Variants in C10orf67 observed in about 807,000 individuals in gnomAD.
C10orf67 encodes chromosome 10 open reading frame 67.
A neutral mutation model predicts 35.6 loss-of-function variants in C10orf67; 60 were observed. The ratio of observed to expected loss-of-function variants is 1.68; its 90% CI spans 1.37 to 2.09. The LOEUF is 2.09. Among genes scored for constraint, C10orf67 ranks in the 30% most tolerant of loss-of-function variants. C10orf67 has a pLI of 0.00. For synonymous variants in C10orf67, 167 were observed against 115.8 expected (o/e 1.44, Z -2.84); for missense variants, 474 against 330.2 (o/e 1.44, Z -3.38).
intron 8 of C10orf67, among the ~76,000 whole-genome samples, chr10:23,279,227 G>C (rs563715339): frequency 6.6e-6 from 1 of 152,336 alleles, no homozygotes; most frequent in Admixed American, 6.5e-5. Context: ...ATGGACAGCA[G>C]AACTTGCTCC....
At chr10:23,235,117 G>A (rs773163426) in intron 13 of C10orf67, among the ~76,000 whole-genome samples, 9 of 151,530 alleles carry the variant, frequency 5.9e-5, no homozygotes, top group Non-Finnish European at 1.2e-4. Flanking sequence ...TAGACAGTGC[G>A]ATATTGGCAA....
chr10:23,274,852 G>C (rs906281821), intron 8 of C10orf67, among the ~76,000 whole-genome samples: 2 of 152,020 alleles, frequency 1.3e-5, no homozygotes, highest in Non-Finnish European at 2.9e-5. Context: ...TCCATGAAAT[G>C]TTCACAATTT....
chr10:23,273,009 A>G lies in C10orf67; in HGVS notation c.976-5755T>C, dbSNP rs116556896. ...TGATTGCTCATTGCTTATATATAGAAGTACAAGATTTTTGTATCTTGATCT... is the reference window on the plus strand; with the variant it reads ...TGATTGCTCATTGCTTATATATAGAGGTACAAGATTTTTGTATCTTGATCT... On this transcript the variant is annotated intron_variant, in intron 8 of 15. Transcript: ENST00000636213. Among the ~76,000 whole-genome samples, 253 of 152,320 alleles carry G rather than the reference A, an allele frequency of 1.7e-3. 1 individual carries two copies. The highest frequency in any genetic ancestry group is 5.7e-3 in the African/African-American group (237 of 41,566).
At chr10:23,335,107 G>A (rs1220658574) in intron 1 of C10orf67, among the ~76,000 whole-genome samples, 1 of 151,272 alleles carries the variant, frequency 6.6e-6, no homozygotes, top group Non-Finnish European at 1.5e-5. Flanking sequence ...AGAATAGCTT[G>A]AACCTGGGAG....
chr10:23,276,635 A>G (rs565074891), intron 8 of C10orf67, among the ~76,000 whole-genome samples: 6 of 151,736 alleles, frequency 4.0e-5, no homozygotes, highest in South Asian at 2.1e-4. Flanking sequence ...TAATCAATAA[A>G]CTTTATACCT....
At chr10:23,268,124 A>T (rs1457154233) in intron 8 of C10orf67, among the ~76,000 whole-genome samples, 1 of 152,066 alleles carries the variant, frequency 6.6e-6, no homozygotes, top group Non-Finnish European at 1.5e-5. Context: ...CTCTGTCTCT[A>T]TAAAAAATAA....
intron 10 of C10orf67, among the ~76,000 whole-genome samples, chr10:23,252,936 G>A (rs537446710): frequency 6.6e-6 from 1 of 151,442 alleles, no homozygotes; most frequent in Admixed American, 6.6e-5. Context: ...ATTGAATCAC[G>A]GTGGCGGGTC....
chr10:23,251,226 A>G (rs1183665114), intron 10 of C10orf67, among the ~76,000 whole-genome samples: 1 of 152,216 alleles, frequency 6.6e-6, no homozygotes, highest in Non-Finnish European at 1.5e-5. Context: ...GCTCTAAACC[A>G]TATTACAAAG....
chr10:23,343,372 G>T (rs1389430930), intron 1 of C10orf67, among the ~76,000 whole-genome samples: 2 of 152,158 alleles, frequency 1.3e-5, no homozygotes, highest in Non-Finnish European at 2.9e-5. Context: ...ACACAGCCAG[G>T]AGGTACTGTC....
At chr10:23,226,680 G>T (rs1206366821) in intron 13 of C10orf67, among the ~76,000 whole-genome samples, 1 of 152,046 alleles carries the variant, frequency 6.6e-6, no homozygotes, top group Non-Finnish European at 1.5e-5. Flanking sequence ...CAACAAAATT[G>T]ATAGAACACT....
chr10:23,283,835 A>G (rs1843445932), intron 7 of C10orf67, among the ~76,000 whole-genome samples: 1 of 151,784 alleles, frequency 6.6e-6, no homozygotes, highest in Non-Finnish European at 1.5e-5. Context: ...TGTGCCGCAC[A>G]CCAAACTCTG....
intron 1 of C10orf67, among the ~76,000 whole-genome samples, chr10:23,342,757 C>G (rs143883527): frequency 6.6e-6 from 1 of 152,346 alleles, no homozygotes; most frequent in South Asian, 2.1e-4. Flanking sequence ...TTTTAACAAA[C>G]GTACCCATTG....
rs191811475 is a variant in C10orf67 at position 23,326,511 on chromosome 10, A to G, written c.328-3974T>C. On this transcript the variant is annotated intron_variant, in intron 2 of 15. Transcript: ENST00000636213. Reference sequence around the variant, plus strand: ...AGCTAAATAAAGTTTTTTAGGCTAAAGAGAAATAATTTGGGCTGGAAAGCT... The same window carrying G: ...AGCTAAATAAAGTTTTTTAGGCTAAGGAGAAATAATTTGGGCTGGAAAGCT... 1.4e-3 allele frequency among the ~76,000 whole-genome samples: 212 copies of G among 152,288 alleles called. 1 individual carries two copies. The highest frequency in any genetic ancestry group is 4.7e-3 in the African/African-American group (196 of 41,584).
intron 15 of C10orf67, among the ~76,000 whole-genome samples, chr10:23,219,746 T>A (rs1302370315): frequency 1.3e-5 from 2 of 152,232 alleles, no homozygotes; most frequent in Admixed American, 6.5e-5. Context: ...ACATATCACC[T>A]GATGTAACAT....
intron 2 of C10orf67, among the ~76,000 whole-genome samples, chr10:23,330,483 G>A (rs1192741280): frequency 2.0e-5 from 3 of 152,088 alleles, no homozygotes; most frequent in South Asian, 2.1e-4. Flanking sequence ...GCTCACGCCT[G>A]TAATCCCAGC....
At chr10:23,288,039 C>A (rs1843601033) in intron 7 of C10orf67, among the ~76,000 whole-genome samples, 1 of 152,136 alleles carries the variant, frequency 6.6e-6, no homozygotes, top group African/African-American at 2.4e-5. Flanking sequence ...ATTAGTTCAA[C>A]CATTGTGGAA....
Position 23,228,176 on chromosome 10 carries a change from C to T in C10orf67, c.1435-4358G>A, listed in dbSNP as rs988443013. 3.9e-5 allele frequency among the ~76,000 whole-genome samples: 6 copies of T among 152,146 alleles called. No homozygotes were observed. In the East Asian group the frequency reaches 5.8e-4, roughly 15 times the overall value. On this transcript the variant is annotated intron_variant, in intron 13 of 15. Transcript: ENST00000636213. ...AACAAAGCTGGAGGCATCACACTAC[C>T]TGACTTCAAACTATACTACAAGGCT...
At chr10:23,328,993 C>CAAAAAAAAACAAAAAAA (rs1845309036) in intron 2 of C10orf67, among the ~76,000 whole-genome samples, 1 of 78,732 alleles carries the variant, frequency 1.3e-5, no homozygotes, top group Non-Finnish European at 2.5e-5. Context: ...CATAAACGAA[C>CAAAAAAAAACAAAAAAA]AAAAAAAAAA....
At chr10:23,242,251 G>A (rs1842203660) in intron 12 of C10orf67, among the ~76,000 whole-genome samples, 1 of 152,102 alleles carries the variant, frequency 6.6e-6, no homozygotes. Context: ...TTACAAGCGT[G>A]AGCCACCATG....
Sources: allele counts gnomAD v4.1 joint callset (sites outside exome capture counted in the v4.1 genomes callset), GRCh38; gene constraint gnomAD v4.1.1; transcripts MANE v1.5; gene names NCBI Gene and HGNC (gene_info 2026-07-23, HGNC 2026-07-21).